SLCO3A1: variants seen among roughly 807,000 people sequenced by gnomAD.
The protein encoded by SLCO3A1 is PGE1 transporter.
Under a neutral mutation model 63.1 loss-of-function variants are expected in SLCO3A1, and 27 were observed. That is an observed-to-expected ratio of 0.43 (90% CI 0.32 to 0.59). The LOEUF is 0.59. Ranked by LOEUF, SLCO3A1 falls within the 20% of genes least tolerant of loss-of-function variation. The probability of loss-of-function intolerance (pLI) is 0.09; values close to 1 mark genes in which losing one functional copy is unlikely to be tolerated. For missense variants in SLCO3A1, 773 were observed against 945.8 expected, an observed-to-expected ratio of 0.82 and a Z score of 2.40; for synonymous variants, 473 against 409.9, an observed-to-expected ratio of 1.15 and a Z score of -1.86.
At chr15:91,985,935 A>T (rs1240811276) in intron 2 of SLCO3A1, among the ~76,000 whole-genome samples, 2 of 152,100 alleles carry the variant, frequency 1.3e-5, no homozygotes, top group Non-Finnish European at 2.9e-5. Flanking sequence ...AGCAGGATGG[A>T]GCCCTGGGTT....
At chr15:92,064,732 G>T (rs1287699125) in intron 2 of SLCO3A1, among the ~76,000 whole-genome samples, 2 of 152,180 alleles carry the variant, frequency 1.3e-5, no homozygotes, top group African/African-American at 4.8e-5. Flanking sequence ...CAGCAACATG[G>T]ATAGAACTGG....
chr15:91,953,551 G>A (rs564208125), intron 2 of SLCO3A1, among the ~76,000 whole-genome samples: 1 of 152,286 alleles, frequency 6.6e-6, no homozygotes, highest in African/African-American at 2.4e-5. Flanking sequence ...GAGGGGAGCC[G>A]CTCATGTTGG....
At chr15:91,994,222 A>G (rs1334969286) in intron 2 of SLCO3A1, among the ~76,000 whole-genome samples, 1 of 152,186 alleles carries the variant, frequency 6.6e-6, no homozygotes, top group East Asian at 1.9e-4. Flanking sequence ...ATAATAACCC[A>G]TGAATCCTCA....
intron 2 of SLCO3A1, among the ~76,000 whole-genome samples, chr15:92,012,117 AC>A (rs900235789): frequency 6.6e-6 from 1 of 152,208 alleles, no homozygotes; most frequent in African/African-American, 2.4e-5. Flanking sequence ...AATGCAAGCA[AC>A]CCACTGTCAC....
chr15:91,943,847 T>G (rs1039887188), intron 2 of SLCO3A1, among the ~76,000 whole-genome samples: 1 of 152,188 alleles, frequency 6.6e-6, no homozygotes, highest in African/African-American at 2.4e-5. Flanking sequence ...CAGCTCTTGC[T>G]GGATTCCAAT....
intron 2 of SLCO3A1, among the ~76,000 whole-genome samples, chr15:92,091,101 G>A (rs1487626646): frequency 6.6e-6 from 1 of 152,184 alleles, no homozygotes; most frequent in Non-Finnish European, 1.5e-5. Context: ...GCAACGTGCT[G>A]GGGCCAGGTG....
chr15:92,125,353 C>T (rs1426406742), intron 5 of SLCO3A1, among the ~76,000 whole-genome samples: 1 of 152,132 alleles, frequency 6.6e-6, no homozygotes, highest in Non-Finnish European at 1.5e-5. Context: ...CTTTGGTCCT[C>T]CTAAAATGCC....
intron 2 of SLCO3A1, among the ~76,000 whole-genome samples, chr15:92,020,974 C>T (rs1046114666): frequency 6.6e-6 from 1 of 152,212 alleles, no homozygotes; most frequent in Non-Finnish European, 1.5e-5. Context: ...TAAGTTGCAT[C>T]TTCTCTCCAA....
At chr15:92,156,748 A>G (rs980320800) in intron 9 of SLCO3A1, among the ~76,000 whole-genome samples, 1 of 152,244 alleles carries the variant, frequency 6.6e-6, no homozygotes, top group Admixed American at 6.5e-5. Flanking sequence ...CAGGTTGAAT[A>G]GAGATTCCAT....
chr15:92,165,297 G>A lies in SLCO3A1; in HGVS notation c.*2162G>A. 1.0e-6 allele frequency: 1 copy of A among 985,346 alleles called. No individual in the cohort carries two copies. The highest frequency in any genetic ancestry group is 1.2e-6 in the Non-Finnish European group (1 of 829,882). The allele number at this position is 985,346 out of a possible 1,614,324, so 61.0% of individuals were successfully genotyped here. A position where few individuals can be genotyped will look rare whatever the true frequency, so the allele number is the denominator to read the frequency against. On this transcript the variant is annotated 3_prime_UTR_variant, in exon 10 of 10. Coordinates refer to ENST00000318445, the MANE Select transcript of SLCO3A1 (RefSeq NM_013272.4). ...ACTCATCAGTACGTTAACTACTAAA[G>A]GGGAGATGGTTCTCCAACCACTTCA...
At chr15:91,992,660 C>A (rs116640405) in intron 2 of SLCO3A1, among the ~76,000 whole-genome samples, 1 of 152,168 alleles carries the variant, frequency 6.6e-6, no homozygotes, top group Non-Finnish European at 1.5e-5. Context: ...CATTTATGCT[C>A]CCTTGCTACC....
At chr15:92,090,016 C>T (rs965753226) in intron 2 of SLCO3A1, among the ~76,000 whole-genome samples, 22 of 152,144 alleles carry the variant, frequency 1.4e-4, no homozygotes, top group African/African-American at 4.6e-4. Context: ...TGCTCGAAAA[C>T]CATGATACGT....
At chr15:92,065,056 C>T (rs567563618) in intron 2 of SLCO3A1, among the ~76,000 whole-genome samples, 15 of 134,148 alleles carry the variant, frequency 1.1e-4, no homozygotes, top group African/African-American at 3.8e-4. Flanking sequence ...ATAGATATAC[C>T]GGTTACCCAC....
At chr15:91,871,765 G>GTTTTTTTTTTTTTTTTTTTTTT (rs33938693) in intron 1 of SLCO3A1, among the ~76,000 whole-genome samples, 1 of 45,682 alleles carries the variant, frequency 2.2e-5, no homozygotes, top group Non-Finnish European at 3.8e-5. Context: ...TTTTTTTTTG[G>GTTTTTTTTTTTTTTTTTTTTTT]TTTTTTTTTT....
rs979487049 is a variant in SLCO3A1 at position 91,948,872 on chromosome 15, C to T, written c.646+32414C>T. ...GAGCCTGCAGAGCACCATCCATCCT[C>T]AATTCCTTTAATAACCTGAGGAACC... On this transcript the variant is annotated intron_variant, in intron 2 of 9. Coordinates refer to ENST00000318445, the MANE Select transcript of SLCO3A1 (RefSeq NM_013272.4). The surrounding 1 kb of genome is among the most constrained non-coding windows in gnomAD (Gnocchi z 4.8). Among the ~76,000 whole-genome samples the T allele has an allele frequency of 1.3e-5, 2 of 152,094 alleles. No individual in the cohort carries two copies. The highest frequency in any genetic ancestry group is 4.1e-4 in the South Asian group (2 of 4,832).
chr15:92,075,699 TG>T (rs1206047150), intron 2 of SLCO3A1, among the ~76,000 whole-genome samples: 1 of 152,214 alleles, frequency 6.6e-6, no homozygotes, highest in African/African-American at 2.4e-5. Flanking sequence ...AACATGCCAG[TG>T]TATCCATCCC....
At chr15:91,957,101 AATATAT>A (rs371356916) in intron 2 of SLCO3A1, among the ~76,000 whole-genome samples, 12 of 864 alleles carry the variant, frequency 0.014, no homozygotes, top group South Asian at 0.05. Flanking sequence ...TAATATATAT[AATATAT>A]ATATATATAA....
At chr15:92,053,127 G>A (rs1010881341) in intron 2 of SLCO3A1, among the ~76,000 whole-genome samples, 3 of 152,070 alleles carry the variant, frequency 2.0e-5, no homozygotes, top group Non-Finnish European at 4.4e-5. Flanking sequence ...CCTGCTATGT[G>A]CCAGGCACCG....
At chr15:92,122,036 CTGTGGCA>C (rs2047868877) in intron 5 of SLCO3A1, among the ~76,000 whole-genome samples, 1 of 152,104 alleles carries the variant, frequency 6.6e-6, no homozygotes, top group African/African-American at 2.4e-5. Context: ...AGGACATGGC[CTGTGGCA>C]TGTGTTGGAG....
Sources: allele counts gnomAD v4.1 joint callset (sites outside exome capture counted in the v4.1 genomes callset), GRCh38; gene constraint gnomAD v4.1.1; non-coding constraint Gnocchi (gnomAD v3.1); transcripts MANE v1.5; gene names NCBI Gene and HGNC (gene_info 2026-07-23, HGNC 2026-07-21).